SEC22C: variants seen among roughly 807,000 people sequenced by gnomAD.
SEC22C encodes vesicle-trafficking protein SEC22c.
A neutral mutation model predicts 34.7 loss-of-function variants in SEC22C; 29 were observed. The observed-to-expected ratio is 0.84, with a 90% CI of 0.62 to 1.14. The LOEUF (loss-of-function observed/expected upper bound fraction) is 1.14, where lower values mean the gene tolerates loss of function less well. Ranked by LOEUF, SEC22C falls within the 50% of genes most tolerant of loss-of-function variation. The pLI, the probability that SEC22C is intolerant of heterozygous loss-of-function variation, is 0.00. For missense variants in SEC22C, 337 were observed against 369.0 expected, an observed-to-expected ratio of 0.91 and a Z score of 0.71; for synonymous variants, 117 against 132.8, an observed-to-expected ratio of 0.88 and a Z score of 0.82.
At position 42,550,344 on chromosome 3, in the gene SEC22C, A is replaced by G. The variant is rs1384816214; in HGVS notation, c.*2904T>C. On this transcript the variant is annotated 3_prime_UTR_variant, in exon 7 of 7. Transcript: ENST00000264454. ...AAAGTGCTACAACAACAGTGAGTCC[A>G]TGGTGGAGTGAGGATAACTCCTGGG... The G allele has an allele frequency of 1.0e-6, 1 of 985,362 alleles. No individual in the cohort carries two copies. Among genetic ancestry groups the G allele is most frequent in the Non-Finnish European group, 1.2e-6 (1 of 829,956 alleles). The allele number at this position is 985,362 out of a possible 1,614,324, so 61.0% of individuals were successfully genotyped here.
intron 2 of SEC22C, chr3:42,565,674 A>G (rs1703192440): frequency 3.2e-6 from 1 of 307,912 alleles, no homozygotes; most frequent in South Asian, 2.7e-5. Flanking sequence ...CGCATCTACA[A>G]GCCAAGGAAA....
intron 1 of SEC22C, among the ~76,000 whole-genome samples, chr3:42,597,431 C>T (rs1192515787): frequency 6.6e-6 from 1 of 152,052 alleles, no homozygotes; most frequent in Non-Finnish European, 1.5e-5. Context: ...TGGCGTGTGC[C>T]TGTAGTCTCA....
chr3:42,588,003 G>A (rs1233842646), intron 1 of SEC22C, among the ~76,000 whole-genome samples: 2 of 151,872 alleles, frequency 1.3e-5, no homozygotes, highest in African/African-American at 2.4e-5. Context: ...AACCCCGGAG[G>A]TGGAGGTTGC....
chr3:42,587,760 A>G (rs1388424327), intron 1 of SEC22C, among the ~76,000 whole-genome samples: 2 of 149,608 alleles, frequency 1.3e-5, no homozygotes, highest in African/African-American at 2.5e-5. Flanking sequence ...TCAAATCCTT[A>G]TATAAACCTC....
intron 1 of SEC22C, among the ~76,000 whole-genome samples, chr3:42,574,284 ATG>A (rs1311019077): frequency 1.3e-5 from 2 of 149,494 alleles, no homozygotes; most frequent in Non-Finnish European, 3.0e-5. Flanking sequence ...GTGCAGTGGC[ATG>A]TGTCTGTAGT....
chr3:42,588,746 T>C (rs1704707488), intron 1 of SEC22C, among the ~76,000 whole-genome samples: 1 of 152,132 alleles, frequency 6.6e-6, no homozygotes, highest in Non-Finnish European at 1.5e-5. Flanking sequence ...ATTCCTCACT[T>C]GTCTAAACAG....
At chr3:42,565,741 T>C in intron 2 of SEC22C, 1 of 357,830 alleles carries the variant, frequency 2.8e-6, no homozygotes, top group South Asian at 2.1e-5. Context: ...GGATTCTTCC[T>C]TAAAGTTTGT....
At chr3:42,596,223 T>C (rs757245601) in intron 1 of SEC22C, among the ~76,000 whole-genome samples, 8 of 152,188 alleles carry the variant, frequency 5.3e-5, no homozygotes, top group African/African-American at 7.2e-5. Context: ...GGTTTCTCCA[T>C]GTTGGTCAGG....
intron 3 of SEC22C, 87 bp downstream of exon 3, chr3:42,563,436 T>A: frequency 1.7e-6 from 2 of 1,194,558 alleles, no homozygotes; most frequent in Admixed American, 4.6e-5. Context: ...GTGGTTTTCC[T>A]TGATGGTCAA....
chr3:42,553,624 G>C (rs930260562), intron 6 of SEC22C, among the ~76,000 whole-genome samples, 176 bp from the exon 7 acceptor site: 2 of 152,194 alleles, frequency 1.3e-5, no homozygotes, highest in Non-Finnish European at 2.9e-5. Flanking sequence ...ATTATTGGAC[G>C]AAAGTGAGGA....
intron 2 of SEC22C, among the ~76,000 whole-genome samples, chr3:42,565,608 G>A (rs1228641716): frequency 6.6e-6 from 1 of 152,180 alleles, no homozygotes; most frequent in African/African-American, 2.4e-5. Context: ...AGGAAATTTG[G>A]ACACAGAGAC....
intron 1 of SEC22C, among the ~76,000 whole-genome samples, chr3:42,578,727 AG>A (rs1175075351): frequency 1.3e-5 from 2 of 152,234 alleles, no homozygotes; most frequent in African/African-American, 4.8e-5. Flanking sequence ...GCTGGAAAAA[AG>A]TATTAACTTA....
intron 1 of SEC22C, among the ~76,000 whole-genome samples, chr3:42,588,966 G>A (rs1704714840): frequency 1.3e-5 from 2 of 151,988 alleles, no homozygotes; most frequent in South Asian, 4.1e-4. Flanking sequence ...ACCTCTCTGT[G>A]AAATGGGATG....
rs1299796554 is a variant in SEC22C, at chr3:42,553,358, C to T, written c.802G>A (p.Gly268Arg). The change falls in exon 7 of 7, where the codon GGG (glycine) becomes AGG (arginine). Residue 268 changes from glycine to arginine, a missense_variant. Physicochemically the swap from Gly to Arg is moderately radical, Grantham distance 125. Transcript: ENST00000264454. ...FICLGNMYLHGLRNLWQILFH... is the reference protein window; with the variant it reads ...FICLGNMYLHRLRNLWQILFH... ...AGGATTTGCCAGAGGTTCCTCAGCCCGTGCAGGTACATGTTGCCCAGGCAA... is the reference window on the plus strand; with the variant it reads ...AGGATTTGCCAGAGGTTCCTCAGCCTGTGCAGGTACATGTTGCCCAGGCAA... 11 of 1,613,986 alleles carry T rather than the reference C, an allele frequency of 6.8e-6. No homozygotes were observed. Among genetic ancestry groups the T allele is most frequent in the South Asian group, 3.3e-5 (3 of 91,090 alleles).
At position 42,553,858 on chromosome 3, in the gene SEC22C, A is replaced by C. The variant is rs113743925; in HGVS notation, c.712-410T>G. Among the ~76,000 whole-genome samples the C allele has an allele frequency of 7.5e-3, 1,149 of 152,252 alleles. 9 individuals carry two copies. Among genetic ancestry groups the C allele is most frequent in the Middle Eastern group, 0.027 (8 of 294 alleles). Reference sequence around the variant, plus strand: ...TTCAGGGAGCCAGGACAGGCAAGCAAGCTGGTGAGAGAAAGCCATGCTTTT... The same window carrying C: ...TTCAGGGAGCCAGGACAGGCAAGCACGCTGGTGAGAGAAAGCCATGCTTTT... On this transcript the variant is annotated intron_variant, in intron 6 of 6. Transcript: ENST00000264454.
intron 2 of SEC22C, among the ~76,000 whole-genome samples, chr3:42,566,376 C>T (rs1011893112): frequency 2.0e-5 from 3 of 152,102 alleles, no homozygotes; most frequent in Non-Finnish European, 2.9e-5. Flanking sequence ...AGCAGGTCAA[C>T]TAAAAATTTA....
At chr3:42,563,463 T>C (rs1703044736) in intron 3 of SEC22C, 60 bp downstream of exon 3, 9 of 1,465,278 alleles carry the variant, frequency 6.1e-6, no homozygotes, top group Non-Finnish European at 7.4e-6. Flanking sequence ...ACCTAAACTG[T>C]AAATTCTACA....
intron 2 of SEC22C, chr3:42,563,915 T>A (rs1172578379): frequency 7.1e-7 from 1 of 1,412,822 alleles, no homozygotes; most frequent in Admixed American, 2.1e-5. Context: ...CTGTGATCAC[T>A]CTTATTTATT....
At position 42,569,090 on chromosome 3, in the gene SEC22C, C is replaced by T. The variant is rs1371490112; in HGVS notation, c.-27-17G>A. On this transcript the variant is annotated splice_polypyrimidine_tract_variant and intron_variant, in intron 1 of 6. Transcript: ENST00000264454. ...TGAGGACACCTGAGGAAAGCAAGGT[C>T]ACCTTGTTACTGAGGCTCAAATGAC... 1 of 1,547,626 alleles carries T rather than the reference C, an allele frequency of 6.5e-7. No homozygotes were observed. The highest frequency in any genetic ancestry group is 8.9e-7 in the Non-Finnish European group (1 of 1,128,934).
Sources: allele counts gnomAD v4.1 joint callset (sites outside exome capture counted in the v4.1 genomes callset), GRCh38; gene constraint gnomAD v4.1.1; transcripts MANE v1.5; gene names NCBI Gene and HGNC (gene_info 2026-07-23, HGNC 2026-07-21).